The following SPTB variants were observed in gnomAD, a reference collection of about 807,000 sequenced individuals.
The protein encoded by SPTB is spectrin beta chain, erythrocytic.
Under a neutral mutation model 256.2 loss-of-function variants are expected in SPTB, and 45 were observed. The ratio of observed to expected loss-of-function variants is 0.18; its 90% confidence interval spans 0.14 to 0.23. The LOEUF (loss-of-function observed/expected upper bound fraction) is 0.23, where lower values mean the gene tolerates loss of function less well. SPTB is among the 10% of genes least tolerant of loss of function. The pLI is 1.00. For missense variants in SPTB, 2,715 were observed against 3,040.4 expected (o/e 0.89, Z 2.52); for synonymous variants, 1,231 against 1,243.1 (o/e 0.99, Z 0.21).
At chr14:64,833,701 T>A (rs1188718679) in intron 1 of SPTB, among the ~76,000 whole-genome samples, 1 of 152,218 alleles carries the variant, frequency 6.6e-6, no homozygotes, top group African/African-American at 2.4e-5. Flanking sequence ...TAGTTCTCTG[T>A]CTCTCCCAGA....
At chr14:64,809,113 T>C (rs2083039821) in intron 2 of SPTB, among the ~76,000 whole-genome samples, 2 of 151,738 alleles carry the variant, frequency 1.3e-5, no homozygotes, top group Middle Eastern at 3.4e-3. Context: ...ATACAAAAAA[T>C]TAGCCAGGCA....
At position 64,785,407 on chromosome 14, in the gene SPTB, A is replaced by G. The variant is rs569298791; in HGVS notation, c.3855+130T>C. The G allele has an allele frequency of 2.5e-6, 2 of 805,290 alleles. No individual in the cohort carries two copies. Among genetic ancestry groups the G allele is most frequent in the South Asian group, 3.0e-5 (2 of 67,742 alleles). The allele number at this position is 805,290 out of a possible 1,614,324, so 49.9% of individuals were successfully genotyped here. A position where few individuals can be genotyped will look rare whatever the true frequency, so the allele number is the denominator to read the frequency against. On this transcript the variant is annotated intron_variant, in intron 18 of 35. Coordinates refer to ENST00000644917, the MANE Select transcript of SPTB (RefSeq NM_001355436.2). The surrounding 1 kb of genome is among the most constrained non-coding windows in gnomAD (Gnocchi z 4.4). Reference sequence around the variant, plus strand: ...CAGAGAATGACCCAATTAAGTACCCAGAGGTCCCCGCTCATGGAATCCCAC... The same window carrying G: ...CAGAGAATGACCCAATTAAGTACCCGGAGGTCCCCGCTCATGGAATCCCAC...
At position 64,805,158 on chromosome 14, in the gene SPTB, G is replaced by A. The variant is rs1029676562; in HGVS notation, c.149-68C>T. The stretch of plus-strand genomic sequence containing the variant: ...AGGGTCAGTGTGACATGGGGCCAAG[G>A]GGTTTTACCTTAAGCCCAGGGTACC... On this transcript the variant is annotated intron_variant, in intron 2 of 35. Coordinates refer to ENST00000644917, the MANE Select transcript of SPTB (RefSeq NM_001355436.2). The A allele has an allele frequency of 6.3e-6, 10 of 1,586,738 alleles. No individual in the cohort carries two copies. The African/African-American group carries it at 1.3e-4, about 21-fold the overall frequency.
At position 64,792,938 on chromosome 14, in the gene SPTB, G is replaced by A. The variant is rs1410985451; in HGVS notation, c.2666+59C>T. 3 of 1,611,010 alleles carry A rather than the reference G, an allele frequency of 1.9e-6. No homozygotes were observed. The highest frequency in any genetic ancestry group is 2.7e-5 in the African/African-American group (2 of 74,870). ...TCCAGAGACTATTACCAAACTAGGT[G>A]GGAGATGGTGCCCAGGCCTGGGTAC... On this transcript the variant is annotated intron_variant, in intron 14 of 35. Coordinates refer to ENST00000644917, the MANE Select transcript of SPTB (RefSeq NM_001355436.2). The surrounding 1 kb of genome is among the most constrained non-coding windows in gnomAD (Gnocchi z 4.2).
intron 27 of SPTB, 44 bp downstream of exon 27, chr14:64,770,841 G>A: frequency 1.2e-6 from 2 of 1,613,290 alleles, no homozygotes; most frequent in South Asian, 1.1e-5. Flanking sequence ...GGGCTCCTCT[G>A]GCCTGGAGAG....
rs771726421 is a variant in SPTB, at chr14:64,799,750, G to A, written c.1061C>T (p.Pro354Leu). ...FSTYRTVEKPPKFQEKGNLEV... is the reference protein window; with the variant it reads ...FSTYRTVEKPLKFQEKGNLEV... ...TCCCATGTGCCAGGGCCCTTACTTG[G>A]GCGGCTTCTCCACGGTGCGGTAGGT... Residue 354 changes from proline (P) to leucine (L), a missense_variant, in exon 9 of 36, where the codon CCC becomes CTC. Coordinates refer to ENST00000644917, the MANE Select transcript of SPTB (RefSeq NM_001355436.2). 5.0e-6 allele frequency: 8 copies of A among 1,613,970 alleles called. No individual in the cohort carries two copies. The African/African-American group carries it at 5.3e-5, about 11-fold the overall frequency.
chr14:64,776,949 A>G (rs1169050407), intron 22 of SPTB, among the ~76,000 whole-genome samples: 1 of 152,252 alleles, frequency 6.6e-6, no homozygotes, highest in Non-Finnish European at 1.5e-5. Flanking sequence ...AACCTGGTAG[A>G]GGAAATAGAA....
At chr14:64,822,152 C>T (rs957117652) in intron 2 of SPTB, among the ~76,000 whole-genome samples, 1 of 151,290 alleles carries the variant, frequency 6.6e-6, no homozygotes, top group South Asian at 2.1e-4. Flanking sequence ...TCCACACATA[C>T]ACACACAACC....
intron 19 of SPTB, among the ~76,000 whole-genome samples, chr14:64,782,817 T>TAAAAAAAAA (rs58435859): frequency 8.1e-6 from 1 of 123,100 alleles, no homozygotes. Context: ...GTTGATGAGT[T>TAAAAAAAAA]AAAAAAAAAA....
chr14:64,767,603 G>A, intron 30 of SPTB, 60 bp downstream of exon 30: 1 of 1,599,806 alleles, frequency 6.3e-7, no homozygotes, highest in Admixed American at 1.7e-5. Flanking sequence ...GTCCTTACAT[G>A]AGACCCCTGG....
Position 64,835,017 on chromosome 14 carries a change from T to C in SPTB, c.-51-11872A>G, listed in dbSNP as rs561520026. Among the ~76,000 whole-genome samples the C allele has an allele frequency of 2.0e-5, 3 of 152,344 alleles. No homozygotes were observed. The South Asian group carries it at 6.2e-4, about 32-fold the overall frequency. ...AAGTTATGGGTGCCAATTTATTTATTCATCCATGTTAGAGCTTTCAAAAGA... is the reference window on the plus strand; with the variant it reads ...AAGTTATGGGTGCCAATTTATTTATCCATCCATGTTAGAGCTTTCAAAAGA... On this transcript the variant is annotated intron_variant, in intron 1 of 35. Coordinates refer to ENST00000644917, the MANE Select transcript of SPTB (RefSeq NM_001355436.2).
chr14:64,799,741 C>T lies in SPTB; in HGVS notation c.1064+6G>A, dbSNP rs1421636636. 3 of 1,614,034 alleles carry T rather than the reference C, an allele frequency of 1.9e-6. No individual in the cohort carries two copies. The highest frequency in any genetic ancestry group is 1.1e-5 in the South Asian group (1 of 91,068). ...GGACCACCCTCCCATGTGCCAGGGCCCTTACTTGGGCGGCTTCTCCACGGT... is the reference window on the plus strand; with the variant it reads ...GGACCACCCTCCCATGTGCCAGGGCTCTTACTTGGGCGGCTTCTCCACGGT... On this transcript the variant is annotated splice_donor_region_variant and intron_variant, in intron 9 of 35. Transcript: ENST00000644917.
chr14:64,804,046 G>A (rs1342419947), intron 3 of SPTB, among the ~76,000 whole-genome samples: 6 of 152,200 alleles, frequency 3.9e-5, no homozygotes, highest in South Asian at 2.1e-4. Context: ...GGCAATAAAC[G>A]GCATTTGCTT....
intron 2 of SPTB, among the ~76,000 whole-genome samples, chr14:64,805,982 C>A (rs896566597): frequency 1.2e-4 from 19 of 152,152 alleles, no homozygotes; most frequent in African/African-American, 2.4e-4. Flanking sequence ...CCAGTCCAAG[C>A]CCCTGGCCCA....
rs2082040886 is a variant in SPTB, at chr14:64,758,103, C to T, written c.6346-4310G>A. Reference sequence around the variant, plus strand: ...GGTTTGCAGCCTTTTAAAGTGAGATCATGTCTGTAAATGTTGGCTTTCTTA... The same window carrying T: ...GGTTTGCAGCCTTTTAAAGTGAGATTATGTCTGTAAATGTTGGCTTTCTTA... On this transcript the variant is annotated intron_variant, in intron 32 of 35. Transcript: ENST00000644917. The surrounding 1 kb of genome is among the most constrained non-coding windows in gnomAD (Gnocchi z 4.6). 6.6e-6 allele frequency among the ~76,000 whole-genome samples: 1 copy of T among 152,204 alleles called. No homozygotes were observed. Among genetic ancestry groups the T allele is most frequent in the Non-Finnish European group, 1.5e-5 (1 of 68,030 alleles).
intron 32 of SPTB, chr14:64,754,232 C>A (rs773488880): frequency 2.6e-5 from 8 of 306,004 alleles, no homozygotes; most frequent in South Asian, 1.6e-4. Context: ...GTTCGGCAAC[C>A]ACTTATAGTA....
intron 1 of SPTB, among the ~76,000 whole-genome samples, chr14:64,849,339 G>A (rs911392655): frequency 3.9e-5 from 6 of 152,210 alleles, no homozygotes; most frequent in Non-Finnish European, 7.3e-5. Context: ...GGGACTAGAC[G>A]AGAGGTGGGT....
In SPTB at chr14:64,794,582, C is replaced by A; in HGVS notation, c.1680G>T (p.Leu560Phe). Reference sequence around the variant, plus strand: ...TCTGTAGCAGGTCTTCAACCTCCAACAAGTGCTTCCCAAACTCGGCAGACA... The same window carrying A: ...TCTGTAGCAGGTCTTCAACCTCCAAAAAGTGCTTCCCAAACTCGGCAGACA... Reference protein sequence around the residue: ...HLLSAEFGKHLLEVEDLLQKH... With the variant: ...HLLSAEFGKHFLEVEDLLQKH... Residue 560 changes from leucine (L) to phenylalanine (F), a missense_variant, in exon 13 of 36, where the codon TTG becomes TTT. Physicochemically the swap from Leu to Phe is conservative, Grantham distance 22 (BLOSUM62 0). Transcript: ENST00000644917. 1.2e-6 allele frequency: 2 copies of A among 1,614,216 alleles called. No homozygotes were observed. The highest frequency in any genetic ancestry group is 1.7e-6 in the Non-Finnish European group (2 of 1,180,040).
intron 32 of SPTB, chr14:64,756,102 A>AAACCTAATTTTTTAG (rs2082013674): frequency 1.3e-5 from 2 of 152,198 alleles, no homozygotes; most frequent in African/African-American, 4.8e-5. Context: ...ACCTAAATAG[A>AAACCTAATTTTTTAG]GTGTGACCTA....
Sources: allele counts gnomAD v4.1 joint callset (sites outside exome capture counted in the v4.1 genomes callset), GRCh38; gene constraint gnomAD v4.1.1; non-coding constraint Gnocchi (gnomAD v3.1); transcripts MANE v1.5; gene names NCBI Gene and HGNC (gene_info 2026-07-23, HGNC 2026-07-21).